The following GPC5 variants were observed in gnomAD, a reference collection of about 807,000 sequenced individuals.
GPC5 encodes glypican-5.
GPC5 carries 47 observed loss-of-function variants against 53.9 expected under a neutral mutation model. The ratio of observed to expected loss-of-function variants is 0.87; its 90% CI spans 0.69 to 1.11. GPC5 has a LOEUF of 1.11. Among genes scored for constraint, GPC5 ranks in the 50% most tolerant of loss-of-function variants. The pLI is 0.00. For missense variants in GPC5, 748 were observed against 713.1 expected (o/e 1.05, Z -0.56); for synonymous variants, 286 against 263.3 (o/e 1.09, Z -0.84).
chr13:92,624,023 T>A (rs532645064), intron 7 of GPC5, among the ~76,000 whole-genome samples: 1 of 42,526 alleles, frequency 2.4e-5, no homozygotes, highest in Non-Finnish European at 5.8e-5. Context: ...CTCGGCTAAT[T>A]TTTTTTTTTT....
chr13:92,145,002 T>C lies in GPC5; in HGVS notation c.1561+13T>C, dbSNP rs777813654. 2 of 1,365,372 alleles carry C rather than the reference T, an allele frequency of 1.5e-6. No individual in the cohort carries two copies. Among genetic ancestry groups the C allele is most frequent in the East Asian group, 5.5e-5 (2 of 36,348 alleles). 84.6% of individuals were successfully genotyped at this position (1,365,372 alleles called of 1,614,324 possible). A position where few individuals can be genotyped will look rare whatever the true frequency, so the allele number is the denominator to read the frequency against. ...AAGATCACAGACTGTAAGTGTATGA[T>C]TCTAACACCACTTTTTTAAAACAAT... On this transcript the variant is annotated intron_variant, in intron 7 of 7. Coordinates refer to ENST00000377067, the MANE Select transcript of GPC5 (RefSeq NM_004466.6).
chr13:92,522,242 A>G (rs542693948), intron 7 of GPC5, among the ~76,000 whole-genome samples: 2 of 152,316 alleles, frequency 1.3e-5, no homozygotes, highest in South Asian at 2.1e-4. Context: ...TAGAAATACC[A>G]TTTGACCCAG....
At chr13:92,814,619 C>T (rs955397152) in intron 7 of GPC5, among the ~76,000 whole-genome samples, 2 of 151,156 alleles carry the variant, frequency 1.3e-5, no homozygotes, top group African/African-American at 2.4e-5. Context: ...CGAGATCGTG[C>T]CATTGCACTC....
chr13:92,564,492 A>AT (rs1439933825), intron 7 of GPC5, among the ~76,000 whole-genome samples: 2 of 151,802 alleles, frequency 1.3e-5, no homozygotes, highest in Admixed American at 6.6e-5. Flanking sequence ...GCTTCATTTT[A>AT]TTTTTTGGTG....
At chr13:92,582,536 A>G (rs1883405654) in intron 7 of GPC5, among the ~76,000 whole-genome samples, 1 of 152,132 alleles carries the variant, frequency 6.6e-6, no homozygotes, top group African/African-American at 2.4e-5. Flanking sequence ...TTCTATAAAA[A>G]ATATCATTGG....
intron 7 of GPC5, among the ~76,000 whole-genome samples, chr13:92,314,518 T>C (rs1220579835): frequency 1.3e-5 from 2 of 152,226 alleles, no homozygotes; most frequent in African/African-American, 2.4e-5. Context: ...TCTGTTTTCT[T>C]TGATTAATTA....
At chr13:91,798,199 G>A (rs1454723119) in intron 5 of GPC5, among the ~76,000 whole-genome samples, 1 of 152,080 alleles carries the variant, frequency 6.6e-6, no homozygotes, top group Non-Finnish European at 1.5e-5. Flanking sequence ...TTTAATTTAA[G>A]TTCTGGGGCA....
intron 2 of GPC5, among the ~76,000 whole-genome samples, chr13:91,688,016 A>G (rs910214106): frequency 6.6e-6 from 1 of 152,090 alleles, no homozygotes; most frequent in African/African-American, 2.4e-5. Context: ...AGAACAGCAC[A>G]TATTTTGTTA....
chr13:92,582,515 T>A (rs2139055185), intron 7 of GPC5, among the ~76,000 whole-genome samples: 1 of 152,266 alleles, frequency 6.6e-6, no homozygotes, highest in South Asian at 2.1e-4. Flanking sequence ...TTTTAGGATT[T>A]ATTTTTCTAT....
intron 5 of GPC5, among the ~76,000 whole-genome samples, chr13:91,791,396 A>G (rs2037961625): frequency 6.6e-6 from 1 of 152,164 alleles, no homozygotes; most frequent in Non-Finnish European, 1.5e-5. Flanking sequence ...GGCTTCTCAC[A>G]TGCTGTAGCA....
chr13:91,808,498 A>G (rs2038258547), intron 5 of GPC5, among the ~76,000 whole-genome samples: 1 of 152,036 alleles, frequency 6.6e-6, no homozygotes, highest in Non-Finnish European at 1.5e-5. Flanking sequence ...TTTATTTGAA[A>G]TCTCCTGGCC....
intron 2 of GPC5, 35 bp from the exon 3 acceptor site, chr13:91,693,152 A>G: frequency 1.3e-6 from 2 of 1,484,720 alleles, no homozygotes; most frequent in Non-Finnish European, 1.9e-6. Context: ...ATGAATACTA[A>G]ACCTTCTCAT....
At chr13:92,778,882 C>T (rs917705145) in intron 7 of GPC5, among the ~76,000 whole-genome samples, 5 of 151,820 alleles carry the variant, frequency 3.3e-5, no homozygotes, top group South Asian at 4.2e-4. Context: ...TATGTACCTG[C>T]GAAATAGAAC....
At chr13:91,647,393 T>A (rs901628816) in intron 2 of GPC5, among the ~76,000 whole-genome samples, 1 of 152,204 alleles carries the variant, frequency 6.6e-6, no homozygotes, top group Non-Finnish European at 1.5e-5. Context: ...AATGTTTTAT[T>A]TAATAGAACC....
chr13:92,713,774 C>T (rs988374888), intron 7 of GPC5, among the ~76,000 whole-genome samples: 2 of 151,780 alleles, frequency 1.3e-5, no homozygotes, highest in African/African-American at 4.8e-5. Flanking sequence ...CTTATTTAGA[C>T]CTATAAGAAT....
intron 5 of GPC5, among the ~76,000 whole-genome samples, chr13:91,894,054 T>A (rs2039415911): frequency 6.6e-6 from 1 of 152,176 alleles, no homozygotes; most frequent in Non-Finnish European, 1.5e-5. Context: ...CCTTTTTGAT[T>A]TAAGTGCCTA....
intron 7 of GPC5, among the ~76,000 whole-genome samples, chr13:92,545,896 T>C (rs915686864): frequency 4.6e-5 from 7 of 152,342 alleles, no homozygotes; most frequent in African/African-American, 1.4e-4. Context: ...TGGTAGTTTC[T>C]TTTGCTGTGC....
At chr13:92,017,747 A>G (rs1405420029) in intron 6 of GPC5, among the ~76,000 whole-genome samples, 1 of 152,032 alleles carries the variant, frequency 6.6e-6, no homozygotes, top group Non-Finnish European at 1.5e-5. Context: ...GTACACACAC[A>G]CTTCCACAAA....
At chr13:92,370,041 A>G (rs1445321325) in intron 7 of GPC5, among the ~76,000 whole-genome samples, 1 of 152,194 alleles carries the variant, frequency 6.6e-6, no homozygotes, top group Non-Finnish European at 1.5e-5. Context: ...TAGAATCACT[A>G]AAACCATCTT....
Sources: allele counts gnomAD v4.1 joint callset (sites outside exome capture counted in the v4.1 genomes callset), GRCh38; gene constraint gnomAD v4.1.1; transcripts MANE v1.5; gene names NCBI Gene and HGNC (gene_info 2026-07-23, HGNC 2026-07-21).